The following TRAPPC12 variants were observed in gnomAD, a reference collection of about 807,000 sequenced individuals.
TRAPPC12 encodes trafficking protein particle complex subunit 12.
A neutral mutation model predicts 69.2 loss-of-function variants in TRAPPC12; 61 were observed. That is an observed-to-expected ratio of 0.88 (90% confidence interval 0.72 to 1.09). The LOEUF is 1.09. Among genes scored for constraint, TRAPPC12 ranks in the 50% least tolerant of loss-of-function variants. The pLI is 0.00. For synonymous variants in TRAPPC12, 469 were observed against 438.9 expected (o/e 1.07, Z -0.86); for missense variants, 1,101 against 1,016.4 (o/e 1.08, Z -1.13).
chr2:3,393,677 T>C (rs1444265403), intron 2 of TRAPPC12, among the ~76,000 whole-genome samples: 1 of 121,738 alleles, frequency 8.2e-6, no homozygotes, highest in Non-Finnish European at 1.7e-5. Context: ...GCCTTTTCTA[T>C]TTACCCACAT....
At chr2:3,478,380 C>A (rs1049738854) in intron 10 of TRAPPC12, among the ~76,000 whole-genome samples, 1 of 152,210 alleles carries the variant, frequency 6.6e-6, no homozygotes, top group African/African-American at 2.4e-5. Context: ...TGCCTGTAAT[C>A]TCAGCACTTT....
chr2:3,447,968 T>A (rs1664604152), intron 6 of TRAPPC12, among the ~76,000 whole-genome samples: 1 of 152,206 alleles, frequency 6.6e-6, no homozygotes, highest in African/African-American at 2.4e-5. Context: ...TTGTTTAAAG[T>A]ATTCACCACA....
intron 2 of TRAPPC12, among the ~76,000 whole-genome samples, chr2:3,401,355 G>A (rs1214555506): frequency 3.9e-5 from 6 of 152,182 alleles, no homozygotes; most frequent in Non-Finnish European, 7.4e-5. Context: ...GCGCGAGGCT[G>A]GCCACTGTGG....
At chr2:3,440,435 C>T (rs1405474041) in intron 5 of TRAPPC12, among the ~76,000 whole-genome samples, 1 of 151,768 alleles carries the variant, frequency 6.6e-6, no homozygotes, top group African/African-American at 2.4e-5. Flanking sequence ...GGGTATTTCA[C>T]TTATTTATGT....
intron 3 of TRAPPC12, among the ~76,000 whole-genome samples, chr2:3,419,139 T>A (rs768035818): frequency 3.9e-5 from 6 of 152,182 alleles, no homozygotes; most frequent in African/African-American, 7.2e-5. Flanking sequence ...CTGCCTGTCC[T>A]CACTGTAGGT....
In TRAPPC12 at chr2:3,436,326, G is replaced by A. The variant is rs142952407; in HGVS notation, c.1418-7453G>A. ...ATCTGATTTTATCTTTTTTCATGTG[G>A]CAATCCCCATATCTGAACCATGCTC... On this transcript the variant is annotated intron_variant, in intron 5 of 11. Transcript: ENST00000324266. 3.3e-4 allele frequency among the ~76,000 whole-genome samples: 50 copies of A among 152,104 alleles called. No homozygotes were observed. In the East Asian group the frequency reaches 7.1e-3, roughly 22 times the overall value.
At chr2:3,407,502 T>C (rs1191477488) in intron 3 of TRAPPC12, among the ~76,000 whole-genome samples, 3 of 152,210 alleles carry the variant, frequency 2.0e-5, no homozygotes, top group Non-Finnish European at 4.4e-5. Flanking sequence ...AGATTCTGAT[T>C]TTAAAAATAG....
chr2:3,390,635 A>C (rs1307420302), intron 2 of TRAPPC12, among the ~76,000 whole-genome samples: 1 of 152,228 alleles, frequency 6.6e-6, no homozygotes. Flanking sequence ...CAATGAAACT[A>C]TTCCGTGTGA....
intron 9 of TRAPPC12, chr2:3,466,158 T>C: frequency 2.4e-6 from 1 of 424,932 alleles, no homozygotes; most frequent in Non-Finnish European, 5.0e-6. Flanking sequence ...AGAATGTCCT[T>C]GAAGCTGGAA....
At chr2:3,431,054 C>T (rs1042429762) in intron 5 of TRAPPC12, among the ~76,000 whole-genome samples, 1 of 152,228 alleles carries the variant, frequency 6.6e-6, no homozygotes, top group Non-Finnish European at 1.5e-5. Context: ...AGAGTCTACA[C>T]AGTTGCTGAC....
At chr2:3,392,300 C>CTCG in intron 2 of TRAPPC12, among the ~76,000 whole-genome samples, 1 of 152,132 alleles carries the variant, frequency 6.6e-6, no homozygotes, top group African/African-American at 2.4e-5. Flanking sequence ...ATCCTCTCTC[C>CTCG]TGACACAAAG....
intron 1 of TRAPPC12, among the ~76,000 whole-genome samples, chr2:3,380,897 C>A (rs1205111139): frequency 6.6e-6 from 1 of 152,194 alleles, no homozygotes; most frequent in South Asian, 2.1e-4. Context: ...TCTAAAAGAT[C>A]AAGATTTTCA....
At chr2:3,477,851 C>A in intron 10 of TRAPPC12, 56 bp downstream of exon 10, 2 of 1,261,996 alleles carry the variant, frequency 1.6e-6, no homozygotes, top group Admixed American at 2.2e-5. Context: ...GGCGTTCAAG[C>A]CCCACTTACT....
At chr2:3,422,048 ACATGGACAGGAC>A (rs1662828204) in intron 4 of TRAPPC12, 54 bp downstream of exon 4, 1 of 1,394,114 alleles carries the variant, frequency 7.2e-7, no homozygotes, top group South Asian at 1.2e-5. Flanking sequence ...CAGTCTGGGG[ACATGGACAGGAC>A]CATGGCCTTT....
chr2:3,388,708 C>T (rs768533749), intron 2 of TRAPPC12, 38 bp downstream of exon 2: 1 of 1,487,442 alleles, frequency 6.7e-7, no homozygotes, highest in Non-Finnish European at 9.0e-7. Flanking sequence ...CCCGTGCCTC[C>T]TCTCTGCGTC....
chr2:3,424,190 G>A (rs553350390), intron 4 of TRAPPC12, among the ~76,000 whole-genome samples: 67 of 152,298 alleles, frequency 4.4e-4, no homozygotes, highest in Admixed American at 2.0e-4. Flanking sequence ...AAACAATTAT[G>A]TAAAATCATT....
In TRAPPC12 at chr2:3,462,953, A is replaced by G. The variant is rs527617551; in HGVS notation, c.1677+2617A>G. 6.4e-6 allele frequency: 3 copies of G among 471,150 alleles called. No homozygotes were observed. The East Asian group carries it at 2.1e-4, about 33-fold the overall frequency. 29.2% of individuals were successfully genotyped at this position (471,150 alleles called of 1,614,324 possible). A position where few individuals can be genotyped will look rare whatever the true frequency, so the allele number is the denominator to read the frequency against. On this transcript the variant is annotated intron_variant, in intron 8 of 11. Transcript: ENST00000324266. ...CTACCTTCCGTCTTGCTGAAATTAGACTGCAGAAGTCCTTGCTGGTTGCAG... is the reference window on the plus strand; with the variant it reads ...CTACCTTCCGTCTTGCTGAAATTAGGCTGCAGAAGTCCTTGCTGGTTGCAG...
intron 3 of TRAPPC12, among the ~76,000 whole-genome samples, chr2:3,411,817 G>C (rs1184971161): frequency 1.3e-5 from 2 of 152,166 alleles, no homozygotes; most frequent in Non-Finnish European, 2.9e-5. Flanking sequence ...GAAGTCAAAG[G>C]CTGTTCATAA....
intron 6 of TRAPPC12, among the ~76,000 whole-genome samples, chr2:3,451,167 G>A (rs1431331523): frequency 6.6e-6 from 1 of 152,164 alleles, no homozygotes; most frequent in Non-Finnish European, 1.5e-5. Flanking sequence ...TCATTCTTTG[G>A]ACAAAACACA....
Sources: gnomAD v4.1 joint callset for allele counts (sites outside exome capture counted in the v4.1 genomes callset) on GRCh38, gnomAD v4.1.1 for gene constraint, MANE v1.5 for transcripts, NCBI Gene and HGNC (gene_info 2026-07-23, HGNC 2026-07-21) for gene names.